Variants in FBXO45 observed in about 807,000 individuals in gnomAD.
FBXO45 encodes F-box protein 45.
Under a neutral mutation model 25.5 loss-of-function variants are expected in FBXO45, and 3 were observed. That is an observed-to-expected ratio of 0.12 (90% CI 0.05 to 0.30). FBXO45 has a LOEUF of 0.30. FBXO45 is among the 10% of genes least tolerant of loss of function. The pLI is 1.00. For missense variants in FBXO45, 219 were observed against 365.0 expected (o/e 0.60, Z 3.26); for synonymous variants, 155 against 149.8 (o/e 1.03, Z -0.25).
At chr3:196,574,455 G>C (rs1488482039) in intron 1 of FBXO45, among the ~76,000 whole-genome samples, 1 of 152,056 alleles carries the variant, frequency 6.6e-6, no homozygotes, top group Admixed American at 6.6e-5. Flanking sequence ...CATGGCAAAG[G>C]TTGATATGTC....
chr3:196,569,255 G>T lies in FBXO45; in HGVS notation c.271G>T (p.Ala91Ser). The T allele has an allele frequency of 6.3e-7, 1 of 1,585,822 alleles. No individual in the cohort carries two copies. Among genetic ancestry groups the T allele is most frequent in the Non-Finnish European group, 8.6e-7 (1 of 1,166,696 alleles). The change falls in exon 1 of 3, where the codon GCT becomes TCT. Residue 91 changes from alanine (A) to serine (S), a missense_variant. Transcript: ENST00000311630. This position sits in a 1 kb window ranked among gnomAD's most constrained non-coding sequence, Gnocchi z 4.1. ...SLCARSLAEEALRTDILCNLP... is the reference protein window; with the variant it reads ...SLCARSLAEESLRTDILCNLP... ...GTGCGCCCGCAGCCTGGCAGAAGAG[G>T]CTCTGCGCACGGACATCCTGTGCAA...
Position 196,577,774 on chromosome 3 carries a change from A to C in FBXO45, c.640A>C (p.Ser214Arg). 1 of 1,611,054 alleles carries C rather than the reference A, an allele frequency of 6.2e-7. No individual in the cohort carries two copies. Among genetic ancestry groups the C allele is most frequent in the South Asian group, 1.1e-5 (1 of 91,018 alleles). ...NLLHNGEVNG[S>R]FPQCNNAPKY... ...ACTACATAATGGAGAAGTCAATGGCAGTTTTCCACAGTGCAACAACGCACC... is the reference window on the plus strand; with the variant it reads ...ACTACATAATGGAGAAGTCAATGGCCGTTTTCCACAGTGCAACAACGCACC... Residue 214 changes from serine (S) to arginine (R), a missense_variant, in exon 2 of 3, where the codon AGT becomes CGT. By Grantham distance (110) the Ser-to-Arg change is moderately radical. Transcript: ENST00000311630.
At chr3:196,581,709 T>G (rs1736015564) in intron 2 of FBXO45, among the ~76,000 whole-genome samples, 1 of 152,214 alleles carries the variant, frequency 6.6e-6, no homozygotes, top group South Asian at 2.1e-4. Context: ...CCCCTAAATA[T>G]GAATCACGCT....
intron 1 of FBXO45, among the ~76,000 whole-genome samples, chr3:196,574,989 G>A (rs1303292905): frequency 6.6e-6 from 1 of 151,604 alleles, no homozygotes; most frequent in South Asian, 2.1e-4. Context: ...TTATAGAACT[G>A]GGATGAGATA....
At chr3:196,580,214 T>TA (rs397937602) in intron 2 of FBXO45, among the ~76,000 whole-genome samples, 1 of 150,408 alleles carries the variant, frequency 6.6e-6, no homozygotes, top group African/African-American at 2.4e-5. Flanking sequence ...TTTTTTTTTT[T>TA]CTCCTTTTGA....
chr3:196,587,462 G>A lies in FBXO45; in HGVS notation c.*3144G>A, dbSNP rs1393672204. 1 of 152,192 alleles carries A rather than the reference G, an allele frequency of 6.6e-6. No individual in the cohort carries two copies. Among genetic ancestry groups the A allele is most frequent in the Non-Finnish European group, 1.5e-5 (1 of 68,032 alleles). 9.4% of individuals were successfully genotyped at this position (152,192 alleles called of 1,614,324 possible). ...TTTAAAATCATTGTTCAGTGATTAG[G>A]CATTTTCTGCCTTTTAGAATTATTT... On this transcript the variant is annotated 3_prime_UTR_variant, in exon 3 of 3. Transcript: ENST00000311630.
intron 1 of FBXO45, among the ~76,000 whole-genome samples, chr3:196,573,298 T>G (rs1379311447): frequency 6.6e-6 from 1 of 152,064 alleles, no homozygotes; most frequent in Non-Finnish European, 1.5e-5. Flanking sequence ...TTAGATTGAA[T>G]GAAAGGAAGT....
At chr3:196,577,883 T>G (rs1735940900) in intron 2 of FBXO45, 74 bp downstream of exon 2, 1 of 898,474 alleles carries the variant, frequency 1.1e-6, no homozygotes, top group Non-Finnish European at 1.5e-6. Flanking sequence ...ATTTACAAAT[T>G]TTTATATAGC....
intron 2 of FBXO45, among the ~76,000 whole-genome samples, chr3:196,583,500 C>T (rs373489068): frequency 1.7e-3 from 237 of 136,524 alleles, no homozygotes; most frequent in African/African-American, 6.4e-3. Flanking sequence ...AGCAAGACTC[C>T]GTCTCAAAAA....
chr3:196,568,997 G>T lies in FBXO45; in HGVS notation c.13G>T (p.Ala5Ser), dbSNP rs1256990694. Residue 5 changes from alanine (A) to serine (S), a missense_variant, in exon 1 of 3, where the codon GCC becomes TCC. Coordinates refer to ENST00000311630, the MANE Select transcript of FBXO45 (RefSeq NM_001105573.2). ...GGCTGGTGAGGCGATGGCGGCGCCG[G>T]CCCCGGGGGCTGGGGCAGCCTCGGG... MAAP[A>S]PGAGAASGGA... The T allele has an allele frequency of 8.1e-6, 8 of 992,504 alleles. No homozygotes were observed. Among genetic ancestry groups the T allele is most frequent in the Admixed American group, 6.1e-5 (1 of 16,322 alleles). 61.5% of individuals were successfully genotyped at this position (992,504 alleles called of 1,614,324 possible).
At position 196,586,747 on chromosome 3, in the gene FBXO45, G is replaced by A. The variant is rs984453268; in HGVS notation, c.*2429G>A. The A allele has an allele frequency of 1.3e-5, 2 of 152,268 alleles. No individual in the cohort carries two copies. Among genetic ancestry groups the A allele is most frequent in the African/African-American group, 2.4e-5 (1 of 41,540 alleles). 9.4% of individuals were successfully genotyped at this position (152,268 alleles called of 1,614,324 possible). Reference sequence around the variant, plus strand: ...ACTTTGGAATGTTGGAAGACACATCGATGCTTGGGTTCCGTATGCCAAGAT... The same window carrying A: ...ACTTTGGAATGTTGGAAGACACATCAATGCTTGGGTTCCGTATGCCAAGAT... On this transcript the variant is annotated 3_prime_UTR_variant, in exon 3 of 3. Transcript: ENST00000311630.
At chr3:196,579,464 T>A (rs1441636510) in intron 2 of FBXO45, among the ~76,000 whole-genome samples, 1 of 152,234 alleles carries the variant, frequency 6.6e-6, no homozygotes, top group African/African-American at 2.4e-5. Flanking sequence ...GCCACCCTTG[T>A]AATGATTTTG....
rs1445634946 is a variant in FBXO45 at position 196,588,677 on chromosome 3, C to T, written c.*4359C>T. 4 of 152,200 alleles carry T rather than the reference C, an allele frequency of 2.6e-5. No homozygotes were observed. Among genetic ancestry groups the T allele is most frequent in the Admixed American group, 6.5e-5 (1 of 15,282 alleles). The allele number at this position is 152,200 out of a possible 1,614,324, so 9.4% of individuals were successfully genotyped here. On this transcript the variant is annotated 3_prime_UTR_variant, in exon 3 of 3. Transcript: ENST00000311630. The surrounding 1 kb of genome is among the most constrained non-coding windows in gnomAD (Gnocchi z 4.2). ...TCGCCCCTAAACTGGGACAGGATCTCTAACGGACTCATCTTTGTGCCACAA... is the reference window on the plus strand; with the variant it reads ...TCGCCCCTAAACTGGGACAGGATCTTTAACGGACTCATCTTTGTGCCACAA...
rs1195153061 is a variant in FBXO45 at position 196,585,671 on chromosome 3, GAATT to G, written c.*1357_*1360del. Reference sequence around the variant, plus strand: ...TGTTTCTCATCACTAAAATGCTTTTGAATTAATAATCCAACCCACATGAGCTGAG... The same window carrying G: ...TGTTTCTCATCACTAAAATGCTTTTGAATAATCCAACCCACATGAGCTGAG... On this transcript the variant is annotated 3_prime_UTR_variant, in exon 3 of 3. Coordinates refer to ENST00000311630, the MANE Select transcript of FBXO45 (RefSeq NM_001105573.2). The G allele has an allele frequency of 4.6e-5, 7 of 152,136 alleles. No individual in the cohort carries two copies. Among genetic ancestry groups the G allele is most frequent in the African/African-American group, 1.7e-4 (7 of 41,410 alleles). 9.4% of individuals were successfully genotyped at this position (152,136 alleles called of 1,614,324 possible). A position where few individuals can be genotyped will look rare whatever the true frequency, so the allele number is the denominator to read the frequency against.
intron 1 of FBXO45, among the ~76,000 whole-genome samples, chr3:196,572,004 A>G (rs1167346577): frequency 6.6e-6 from 1 of 152,224 alleles, no homozygotes; most frequent in Non-Finnish European, 1.5e-5. Flanking sequence ...ACAGACATAA[A>G]AAAGTATACT....
chr3:196,580,801 T>C (rs1735996112), intron 2 of FBXO45, among the ~76,000 whole-genome samples: 1 of 149,814 alleles, frequency 6.7e-6, no homozygotes, highest in Non-Finnish European at 1.5e-5. Flanking sequence ...AGATAGGGTC[T>C]CGCTCTGACA....
intron 1 of FBXO45, among the ~76,000 whole-genome samples, chr3:196,572,954 C>T (rs1735854027): frequency 6.6e-6 from 1 of 152,044 alleles, no homozygotes; most frequent in African/African-American, 2.4e-5. Flanking sequence ...TGAGGTCTTG[C>T]TCTGTTGCCC....
At chr3:196,583,792 A>G (rs1736058078) in intron 2 of FBXO45, among the ~76,000 whole-genome samples, 1 of 152,122 alleles carries the variant, frequency 6.6e-6, no homozygotes, top group Admixed American at 6.5e-5. Context: ...CAGTGGTGCG[A>G]TACCAGCTTT....
rs117861108 is a variant in FBXO45 at position 196,575,985 on chromosome 3, G to C, written c.319-1468G>C. On this transcript the variant is annotated intron_variant, in intron 1 of 2. Transcript: ENST00000311630. ...AGCCACCGCGCCCGGCCCCTTCATT[G>C]AATCTTACGTTTTGGTCTTATAAGT... Among the ~76,000 whole-genome samples, 289 of 152,204 alleles carry C rather than the reference G, an allele frequency of 1.9e-3. 11 individuals are homozygous for C. The East Asian group carries it at 0.051, about 27-fold the overall frequency.
Sources: allele counts gnomAD v4.1 joint callset (sites outside exome capture counted in the v4.1 genomes callset), GRCh38; gene constraint gnomAD v4.1.1; non-coding constraint Gnocchi (gnomAD v3.1); transcripts MANE v1.5; gene names NCBI Gene and HGNC (gene_info 2026-07-23, HGNC 2026-07-21).